The following AP3B2 variants were observed in gnomAD, a reference collection of about 807,000 sequenced individuals.
AP3B2 encodes adaptor related protein complex 3 subunit beta 2, also known as AP-3 complex subunit beta-2.
In AP3B2, 50 loss-of-function variants were observed where a neutral mutation model predicts 126.9. The observed-to-expected ratio is 0.39, with a 90% CI of 0.31 to 0.50. The LOEUF (loss-of-function observed/expected upper bound fraction) is 0.50, where lower values mean the gene tolerates loss of function less well. Among genes scored for constraint, AP3B2 ranks in the 20% least tolerant of loss-of-function variants. The probability of loss-of-function intolerance (pLI) is 0.79; values close to 1 mark genes in which losing one functional copy is unlikely to be tolerated. For synonymous variants in AP3B2, 541 were observed against 565.0 expected, an observed-to-expected ratio of 0.96 and a Z score of 0.60; for missense variants, 1,177 against 1,426.4, an observed-to-expected ratio of 0.83 and a Z score of 2.82.
chr15:82,686,395 CAAA>C (rs1567268660), intron 4 of AP3B2: 3 of 151,744 alleles, frequency 2.0e-5, no homozygotes, highest in African/African-American at 7.3e-5. Flanking sequence ...CCAGTGACAA[CAAA>C]AAAGAAAACA....
At position 82,659,496 on chromosome 15, in the gene AP3B2, A is replaced by C. The variant is rs1377919534; in HGVS notation, c.*64T>G. On this transcript the variant is annotated 3_prime_UTR_variant, in exon 27 of 27. Transcript: ENST00000535359. ...AGAGAGAGAGAGAAAGATGAGAGAG[A>C]CTGACAGCCTAGGTGTCATGGGGAG... is the stretch of plus-strand genomic sequence containing the variant. 1 of 1,577,758 alleles carries C rather than the reference A, an allele frequency of 6.3e-7. No homozygotes were observed. Among genetic ancestry groups the C allele is most frequent in the African/African-American group, 1.3e-5 (1 of 74,284 alleles).
At chr15:82,707,727 C>G (rs940447428) in intron 1 of AP3B2, among the ~76,000 whole-genome samples, 2 of 152,200 alleles carry the variant, frequency 1.3e-5, no homozygotes, top group Non-Finnish European at 2.9e-5. Flanking sequence ...TTTTCTCCTT[C>G]TCTTATTCCA....
chr15:82,699,320 C>T lies in AP3B2; in HGVS notation c.114-9867G>A, dbSNP rs558275251. The T allele has an allele frequency of 4.6e-5, 10 of 218,164 alleles. No homozygotes were observed. The East Asian group carries it at 8.9e-4, about 19-fold the overall frequency. 13.5% of individuals were successfully genotyped at this position (218,164 alleles called of 1,614,324 possible). A position where few individuals can be genotyped will look rare whatever the true frequency, so the allele number is the denominator to read the frequency against. Reference sequence around the variant, plus strand: ...TCTGTGCTGTATCCTGTCCCCAAACCTCGTCCAGAGCCCACTCCAGTGGGG... The same window carrying T: ...TCTGTGCTGTATCCTGTCCCCAAACTTCGTCCAGAGCCCACTCCAGTGGGG... On this transcript the variant is annotated intron_variant, in intron 1 of 26. Transcript: ENST00000535359.
chr15:82,680,725 CT>C lies in AP3B2; in HGVS notation c.801del (p.Ala268ProfsTer54). ...NESLLEENAE[K>X]AFYGSEEDEA... ...TCGTCCTCCTCTGAGCCGTAGAAGG[CT>C]TTTTCCGCGTTCTCCTCTAGTAGGG... On this transcript the variant is annotated frameshift_variant, in exon 8 of 27. Coordinates refer to ENST00000535359, the MANE Select transcript of AP3B2 (RefSeq NM_001278512.2). LOFTEE classifies it high-confidence loss of function. This position sits in a 1 kb window ranked among gnomAD's most constrained non-coding sequence, Gnocchi z 6.1. 1.3e-6 allele frequency: 2 copies of C among 1,568,110 alleles called. No individual in the cohort carries two copies. The highest frequency in any genetic ancestry group is 8.6e-7 in the Non-Finnish European group (1 of 1,160,852).
intron 1 of AP3B2, among the ~76,000 whole-genome samples, chr15:82,703,452 G>C (rs1396957821): frequency 6.9e-6 from 1 of 145,416 alleles, no homozygotes; most frequent in African/African-American, 2.5e-5. Context: ...CCTTCACTGT[G>C]GGCAACATTC....
rs1009906758 is a variant in AP3B2 at position 82,709,674 on chromosome 15, C to G, written c.33G>C (p.Lys11Asn). The change falls in exon 1 of 27, where the codon AAG becomes AAC. Residue 11 changes from lysine to asparagine, a missense_variant. Transcript: ENST00000535359. MSAAPAYSED[K>N]GGSAGPGEPE... ...GCTCCCCGGGGCCAGCGGAGCCGCC[C>G]TTGTCTTCGCTGTAGGCGGGGGCGG... 1.6e-5 allele frequency: 24 copies of G among 1,504,348 alleles called. No individual in the cohort carries two copies. In the Admixed American group the frequency reaches 4.0e-4, roughly 25 times the overall value. 93.2% of individuals were successfully genotyped at this position (1,504,348 alleles called of 1,614,324 possible).
chr15:82,705,956 T>C (rs2048789187), intron 1 of AP3B2, among the ~76,000 whole-genome samples: 1 of 152,066 alleles, frequency 6.6e-6, no homozygotes, highest in African/African-American at 2.4e-5. Context: ...TCACACTAGG[T>C]CTCCCTAATT....
At chr15:82,660,572 C>A (rs1670085697) in intron 25 of AP3B2, among the ~76,000 whole-genome samples, 2 of 152,110 alleles carry the variant, frequency 1.3e-5, no homozygotes, top group Admixed American at 1.3e-4. Flanking sequence ...GCAAGGCTGA[C>A]TTCTCTCCAC....
At chr15:82,699,233 C>T (rs957618934) in intron 1 of AP3B2, 3 of 157,652 alleles carry the variant, frequency 1.9e-5, no homozygotes, top group African/African-American at 7.2e-5. Context: ...ATATACACCT[C>T]GCTGTCACCT....
rs1329016868 is a variant in AP3B2, at chr15:82,663,595, G to A, written c.2462C>T (p.Ala821Val). The A allele has an allele frequency of 6.2e-7, 1 of 1,613,780 alleles. No homozygotes were observed. Among genetic ancestry groups the A allele is most frequent in the Non-Finnish European group, 8.5e-7 (1 of 1,179,844 alleles). The part of the protein sequence containing the change: ...KTPPSSKSAP[A>V]TKEISLLDLE... ...ATCAAGCAGGGAGATCTCCTTGGTT[G>A]CAGGAGCACTTTTGCTGCTGGGAGG... Residue 821 changes from alanine (A) to valine (V), a missense_variant, in exon 21 of 27, where the codon GCA (alanine) becomes GTA (valine). By Grantham distance (64) the Ala-to-Val change is moderately conservative. Transcript: ENST00000535359.
chr15:82,688,350 C>G lies in AP3B2; in HGVS notation c.360+386G>C. ...ATGGTGTGGGGGATTCAGGCCACTG[C>G]TAAAGGTTGAAATCTACCTGGCTGT... On this transcript the variant is annotated intron_variant, in intron 4 of 26. Transcript: ENST00000535359. 4.3e-6 allele frequency: 3 copies of G among 692,158 alleles called. No individual in the cohort carries two copies. In the South Asian group the frequency reaches 4.5e-5, roughly 10 times the overall value. The allele number at this position is 692,158 out of a possible 1,614,324, so 42.9% of individuals were successfully genotyped here.
At chr15:82,678,212 T>G (rs773483997) in intron 10 of AP3B2, 45 bp from the exon 11 acceptor site, 1 of 1,571,162 alleles carries the variant, frequency 6.4e-7, no homozygotes, top group African/African-American at 1.3e-5. Context: ...GGTTGGCCAG[T>G]GGACTTTCTG....
In AP3B2 at chr15:82,662,177, A is replaced by G; in HGVS notation, c.2909T>C (p.Phe970Ser). ...CGAGTTGGGCACATACCACAGCTGG[A>G]AGTTGGCTGCCTGGGTTGAGTCACA... ...NFCDSTQAAN[F>S]QLCTQTRQFY... is the part of the protein sequence containing the mutation. Residue 970 changes from phenylalanine to serine, a missense_variant, in exon 24 of 27, where the codon TTC becomes TCC. Phe to Ser is a radical substitution (Grantham distance 155). Transcript: ENST00000535359. 6.2e-7 allele frequency: 1 copy of G among 1,600,502 alleles called. No homozygotes were observed. The highest frequency in any genetic ancestry group is 8.5e-7 in the Non-Finnish European group (1 of 1,173,244).
At position 82,660,128 on chromosome 15, in the gene AP3B2, G is replaced by A. The variant is rs140244240; in HGVS notation, c.3017-145C>T. The A allele has an allele frequency of 2.3e-3, 2,485 of 1,102,790 alleles. 8 individuals carry two copies. The highest frequency in any genetic ancestry group is 0.012 in the Middle Eastern group (37 of 3,174). 68.3% of individuals were successfully genotyped at this position (1,102,790 alleles called of 1,614,324 possible). A position where few individuals can be genotyped will look rare whatever the true frequency, so the allele number is the denominator to read the frequency against. ...CAGAATTTAAATCATCAGTCTTGGGGAGAAGGTACTTCCCTCTCAGACTGG... is the reference window on the plus strand; with the variant it reads ...CAGAATTTAAATCATCAGTCTTGGGAAGAAGGTACTTCCCTCTCAGACTGG... On this transcript the variant is annotated intron_variant, in intron 25 of 26. Transcript: ENST00000535359.
intron 1 of AP3B2, among the ~76,000 whole-genome samples, chr15:82,699,471 C>T (rs1423034943): frequency 1.3e-5 from 2 of 152,190 alleles, no homozygotes; most frequent in East Asian, 1.9e-4. Context: ...AGCCCCCATA[C>T]GGTGCCCCTG....
Position 82,676,648 on chromosome 15 carries a change from G to A in AP3B2, c.1489-11C>T. On this transcript the variant is annotated splice_polypyrimidine_tract_variant and intron_variant, in intron 13 of 26. Coordinates refer to ENST00000535359, the MANE Select transcript of AP3B2 (RefSeq NM_001278512.2). ...TCGGGCCATGGGCACCTGTGGTTGTGGGAGAGGAGTGAAGATGGGTAAATA... is the reference window on the plus strand; with the variant it reads ...TCGGGCCATGGGCACCTGTGGTTGTAGGAGAGGAGTGAAGATGGGTAAATA... The A allele has an allele frequency of 6.2e-7, 1 of 1,613,230 alleles. No homozygotes were observed. Among genetic ancestry groups the A allele is most frequent in the South Asian group, 1.1e-5 (1 of 90,908 alleles).
intron 4 of AP3B2, 36 bp downstream of exon 4, chr15:82,688,700 G>C (rs1420136466): frequency 6.4e-7 from 1 of 1,564,396 alleles, no homozygotes; most frequent in Non-Finnish European, 8.7e-7. Flanking sequence ...GCGCCAACGA[G>C]GCCCAGGCCC....
chr15:82,675,983 C>A (rs953550993), intron 14 of AP3B2, among the ~76,000 whole-genome samples: 1 of 152,148 alleles, frequency 6.6e-6, no homozygotes, highest in Non-Finnish European at 1.5e-5. Context: ...TCTCTTATAA[C>A]CTTTCACCTT....
chr15:82,680,803 T>C lies in AP3B2; in HGVS notation c.771+34A>G, dbSNP rs2048325997. The C allele has an allele frequency of 6.2e-7, 1 of 1,610,920 alleles. No individual in the cohort carries two copies. On this transcript the variant is annotated intron_variant, in intron 7 of 26. Coordinates refer to ENST00000535359, the MANE Select transcript of AP3B2 (RefSeq NM_001278512.2). This position sits in a 1 kb window ranked among gnomAD's most constrained non-coding sequence, Gnocchi z 6.1. ...CTGTGGGCGCCTCCCCGGGACACAC[T>C]TCGGCCCGCTCTGCCTGGGCTGGGC...
Sources: gnomAD v4.1 joint callset for allele counts (sites outside exome capture counted in the v4.1 genomes callset) on GRCh38, gnomAD v4.1.1 for gene constraint, Gnocchi (gnomAD v3.1) non-coding constraint, MANE v1.5 for transcripts, NCBI Gene and HGNC (gene_info 2026-07-23, HGNC 2026-07-21) for gene names.